The following MTA3 variants were observed in gnomAD, a reference collection of about 807,000 sequenced individuals.
MTA3 encodes metastasis associated 1 family member 3.
In MTA3, 34 loss-of-function variants were observed where a neutral mutation model predicts 83.5. The observed-to-expected ratio is 0.41, with a 90% CI of 0.31 to 0.54. MTA3 has a LOEUF of 0.54. Among genes scored for constraint, MTA3 ranks in the 20% least tolerant of loss-of-function variants. The pLI, the probability that MTA3 is intolerant of heterozygous loss-of-function variation, is 0.33. For synonymous variants in MTA3, 303 were observed against 252.7 expected (o/e 1.20, Z -1.89); for missense variants, 761 against 726.4 (o/e 1.05, Z -0.55).
intron 2 of MTA3, among the ~76,000 whole-genome samples, chr2:42,514,026 C>T (rs1675021638): frequency 6.6e-6 from 1 of 152,104 alleles, no homozygotes; most frequent in Non-Finnish European, 1.5e-5. Flanking sequence ...CCAGCCTGGC[C>T]AACATAGTGA....
chr2:42,635,403 G>A (rs1687087225), intron 4 of MTA3, among the ~76,000 whole-genome samples: 1 of 152,068 alleles, frequency 6.6e-6, no homozygotes, highest in South Asian at 2.1e-4. Context: ...CGAGGCGGGT[G>A]GATCACCTGA....
chr2:42,663,413 A>G (rs1434606662), intron 8 of MTA3, among the ~76,000 whole-genome samples: 1 of 152,208 alleles, frequency 6.6e-6, no homozygotes, highest in Non-Finnish European at 1.5e-5. Flanking sequence ...TGAAGGTGAT[A>G]TTTTAAAGAA....
chr2:42,541,944 C>T (rs1044912102), intron 2 of MTA3, among the ~76,000 whole-genome samples: 4 of 152,160 alleles, frequency 2.6e-5, no homozygotes, highest in African/African-American at 9.7e-5. Context: ...ATACTGAACC[C>T]ATGGGCCCAA....
chr2:42,558,337 G>A (rs1388518140), intron 2 of MTA3, among the ~76,000 whole-genome samples: 1 of 151,082 alleles, frequency 6.6e-6, no homozygotes, highest in Admixed American at 6.6e-5. Context: ...TGCCTTCTGG[G>A]TTCAAGCGAT....
chr2:42,522,088 G>C (rs1287497842), intron 2 of MTA3, among the ~76,000 whole-genome samples: 1 of 152,130 alleles, frequency 6.6e-6, no homozygotes, highest in Non-Finnish European at 1.5e-5. Context: ...AAGCCAAGCT[G>C]TACAAGTCCA....
At chr2:42,504,185 C>T (rs1674524118) in intron 2 of MTA3, among the ~76,000 whole-genome samples, 1 of 152,080 alleles carries the variant, frequency 6.6e-6, no homozygotes, top group African/African-American at 2.4e-5. Context: ...CCGCCTTGGC[C>T]TCCCAAAGTG....
intron 2 of MTA3, among the ~76,000 whole-genome samples, chr2:42,510,002 C>A (rs917479746): frequency 4.6e-4 from 70 of 152,046 alleles, no homozygotes; most frequent in Non-Finnish European, 9.0e-4. Context: ...TCCCCCCATA[C>A]CTGCCGTGTC....
chr2:42,499,505 G>A (rs1674299884), intron 2 of MTA3, among the ~76,000 whole-genome samples: 1 of 150,856 alleles, frequency 6.6e-6, no homozygotes, highest in African/African-American at 2.4e-5. Flanking sequence ...TTCAAAAAAA[G>A]GAATAGTGGG....
At chr2:42,744,244 A>G (rs915414763) in intron 16 of MTA3, among the ~76,000 whole-genome samples, 3 of 152,224 alleles carry the variant, frequency 2.0e-5, no homozygotes, top group Non-Finnish European at 4.4e-5. Flanking sequence ...TGCATTCGGC[A>G]TAAGTAGTCA....
At chr2:42,605,759 A>G (rs1423121172) in intron 3 of MTA3, among the ~76,000 whole-genome samples, 3 of 105,648 alleles carry the variant, frequency 2.8e-5, no homozygotes, top group Non-Finnish European at 1.9e-5. Context: ...GGCCGGGCAG[A>G]GGGGCTCCTC....
intron 6 of MTA3, among the ~76,000 whole-genome samples, chr2:42,647,418 G>C (rs1183012823): frequency 4.0e-5 from 6 of 151,740 alleles, no homozygotes; most frequent in Non-Finnish European, 8.8e-5. Flanking sequence ...TTAGAGATGG[G>C]GTTTTGCCAT....
intron 2 of MTA3, among the ~76,000 whole-genome samples, chr2:42,516,995 C>T (rs1000831802): frequency 1.3e-5 from 2 of 152,168 alleles, no homozygotes; most frequent in Non-Finnish European, 2.9e-5. Context: ...TGTGGTGGCT[C>T]ACGCCTGTAA....
intron 16 of MTA3, among the ~76,000 whole-genome samples, chr2:42,734,101 T>C (rs1668435258): frequency 6.6e-6 from 1 of 152,212 alleles, no homozygotes; most frequent in Non-Finnish European, 1.5e-5. Flanking sequence ...GTCTGGACGA[T>C]GTGTTCATTG....
At chr2:42,587,483 A>C (rs113420624) in intron 3 of MTA3, among the ~76,000 whole-genome samples, 1 of 152,214 alleles carries the variant, frequency 6.6e-6, no homozygotes, top group Non-Finnish European at 1.5e-5. Context: ...TATGAAATAA[A>C]ATACATACAA....
rs139801972 is a variant in MTA3 at position 42,556,513 on chromosome 2, G to T, written c.-140-13924G>T. Among the ~76,000 whole-genome samples, 151 of 152,280 alleles carry T rather than the reference G, an allele frequency of 9.9e-4. 3 individuals are homozygous for T. The highest frequency in any genetic ancestry group is 3.5e-3 in the African/African-American group (144 of 41,568). The stretch of plus-strand genomic sequence containing the variant: ...TCCCCCAGTGCCTGGGAGCCATGCT[G>T]ACACCAGCATCATAAATAATGCATC... On this transcript the variant is annotated intron_variant, in intron 2 of 17. Coordinates refer to the MTA3 transcript ENST00000405592.
At chr2:42,599,302 A>G (rs1682245346) in intron 3 of MTA3, among the ~76,000 whole-genome samples, 1 of 152,194 alleles carries the variant, frequency 6.6e-6, no homozygotes, top group Non-Finnish European at 1.5e-5. Context: ...ATTTAATAGT[A>G]GTGGTACCGG....
intron 8 of MTA3, among the ~76,000 whole-genome samples, chr2:42,673,901 T>C (rs1691082314): frequency 6.6e-6 from 1 of 152,240 alleles, no homozygotes; most frequent in Admixed American, 6.5e-5. Flanking sequence ...TTCTGGCAAC[T>C]AGGTGAATTA....
At chr2:42,590,075 A>C (rs544422060) in intron 3 of MTA3, among the ~76,000 whole-genome samples, 14 of 152,034 alleles carry the variant, frequency 9.2e-5, no homozygotes, top group Admixed American at 9.2e-4. Context: ...TCTTAAACCT[A>C]TGTTTCTGTG....
At chr2:42,686,036 G>T (rs1163529701) in intron 9 of MTA3, among the ~76,000 whole-genome samples, 1 of 152,104 alleles carries the variant, frequency 6.6e-6, no homozygotes, top group African/African-American at 2.4e-5. Flanking sequence ...AGTCTCCTGG[G>T]CCTCCTCTGC....
Sources: allele counts gnomAD v4.1 joint callset (sites outside exome capture counted in the v4.1 genomes callset), GRCh38; gene constraint gnomAD v4.1.1; transcripts MANE v1.5; gene names NCBI Gene and HGNC (gene_info 2026-07-23, HGNC 2026-07-21).